ADAP1: variants seen among roughly 807,000 people sequenced by gnomAD.
ADAP1 encodes arf-GAP with dual PH domain-containing protein 1.
Under a neutral mutation model 54.9 loss-of-function variants are expected in ADAP1, and 31 were observed. The observed-to-expected ratio is 0.56, with a 90% CI of 0.42 to 0.76. The LOEUF is 0.76. ADAP1 is among the 30% of genes least tolerant of loss of function. The pLI is 0.00. For missense variants in ADAP1, 535 were observed against 512.4 expected, an observed-to-expected ratio of 1.04 and a Z score of -0.42; for synonymous variants, 313 against 202.6, an observed-to-expected ratio of 1.55 and a Z score of -4.63.
At chr7:905,704 G>C (rs1182939910) in intron 4 of ADAP1, 18 of 31,718 alleles carry the variant, frequency 5.7e-4, no homozygotes, top group African/African-American at 3.2e-3. Flanking sequence ...GGAGAAAGGA[G>C]AAAGGAGAAA....
At position 926,869 on chromosome 7, in the gene ADAP1, GGTCCC is replaced by G. The variant is rs1846408624; in HGVS notation, c.214-230_214-226del. The G allele has an allele frequency of 2.3e-6, 2 of 880,514 alleles. No individual in the cohort carries two copies. The highest frequency in any genetic ancestry group is 3.5e-5 in the African/African-American group (2 of 56,848). 54.5% of individuals were successfully genotyped at this position (880,514 alleles called of 1,614,324 possible). On this transcript the variant is annotated intron_variant, in intron 2 of 10. Coordinates refer to ENST00000265846, the MANE Select transcript of ADAP1 (RefSeq NM_006869.4). The surrounding 1 kb of genome is among the most constrained non-coding windows in gnomAD (Gnocchi z 4.6). ...AAGGAGCCAGCGTCCCTAACGACGGGGTCCCGGCAAAGGGGGCCCAGGGGCCAGGC... is the reference window on the plus strand; with the variant it reads ...AAGGAGCCAGCGTCCCTAACGACGGGGGCAAAGGGGGCCCAGGGGCCAGGC...
rs1164900472 is a variant in ADAP1, at chr7:926,409, G to A, written c.305+144C>T. ...GGCCAGCAGACACAGGCGGCACCTC[G>A]GGGTCTGGGGGACGCAGCTGCGGCT... On this transcript the variant is annotated intron_variant, in intron 3 of 10. Coordinates refer to ENST00000265846, the MANE Select transcript of ADAP1 (RefSeq NM_006869.4). This position sits in a 1 kb window ranked among gnomAD's most constrained non-coding sequence, Gnocchi z 4.6. 3.5e-5 allele frequency: 19 copies of A among 536,352 alleles called. No individual in the cohort carries two copies. The highest frequency in any genetic ancestry group is 6.0e-4 in the Middle Eastern group (1 of 1,672). 33.2% of individuals were successfully genotyped at this position (536,352 alleles called of 1,614,324 possible). A position where few individuals can be genotyped will look rare whatever the true frequency, so the allele number is the denominator to read the frequency against.
intron 2 of ADAP1, among the ~76,000 whole-genome samples, chr7:931,500 C>T (rs532712478): frequency 8.7e-5 from 13 of 149,384 alleles, no homozygotes; most frequent in South Asian, 2.1e-4. Context: ...CGTGCGATCC[C>T]GTTTTTAAAA....
chr7:937,253 C>T (rs71518359), intron 1 of ADAP1, among the ~76,000 whole-genome samples: 1 of 35,904 alleles, frequency 2.8e-5, no homozygotes, highest in East Asian at 7.9e-4. Context: ...TTGGGGGTCA[C>T]GCCCGACCTC....
chr7:898,856 C>T lies in ADAP1; in HGVS notation c.*65G>A, dbSNP rs1476653245. On this transcript the variant is annotated 3_prime_UTR_variant, in exon 11 of 11. Transcript: ENST00000265846. ...TGGCCTCAGGACGCCAGAGCCCCCC[C>T]ATCCACGGGTCCCCTCCGTCCAGCC... The T allele has an allele frequency of 3.9e-6, 6 of 1,552,560 alleles. No individual in the cohort carries two copies. Among genetic ancestry groups the T allele is most frequent in the Middle Eastern group, 1.7e-4 (1 of 6,022 alleles).
rs56715852 is a variant in ADAP1, at chr7:940,330, TCACACACACACACACACACACACA to T, written c.83-4849_83-4826del. 2.4e-4 allele frequency among the ~76,000 whole-genome samples: 34 copies of T among 140,732 alleles called. No individual in the cohort carries two copies. The East Asian group carries it at 3.2e-3, about 13-fold the overall frequency. The allele number at this position is 140,732 out of a possible 152,430, so 92.3% of individuals were successfully genotyped here. A position where few individuals can be genotyped will look rare whatever the true frequency, so the allele number is the denominator to read the frequency against. On this transcript the variant is annotated intron_variant, in intron 1 of 10. Coordinates refer to ENST00000265846, the MANE Select transcript of ADAP1 (RefSeq NM_006869.4). ...TCCAGCCTGGGTGTCACAGACCCTGTCACACACACACACACACACACACACACACACACACACACACACAATATG... is the reference window on the plus strand; with the variant it reads ...TCCAGCCTGGGTGTCACAGACCCTGTCACACACACACACACACACAATATG...
intron 4 of ADAP1, among the ~76,000 whole-genome samples, chr7:908,923 G>A (rs1291192179): frequency 7.2e-5 from 11 of 152,204 alleles, no homozygotes; most frequent in Admixed American, 7.2e-4. Flanking sequence ...CCCTGCCCAG[G>A]ACACAGCGGG....
intron 1 of ADAP1, among the ~76,000 whole-genome samples, chr7:942,361 A>G (rs911045979): frequency 7.2e-5 from 9 of 125,034 alleles, no homozygotes; most frequent in Non-Finnish European, 1.2e-4. Context: ...AGGAAGAGGA[A>G]GAGAGAGGAG....
At chr7:919,820 TGGGGGAGGGAGGGAGATG>T (rs1562925567) in intron 4 of ADAP1, 130 bp downstream of exon 4, 5 of 60,380 alleles carry the variant, frequency 8.3e-5, no homozygotes, top group Non-Finnish European at 1.4e-4. Flanking sequence ...GGGAGGGAGA[TGGGGGAGGGAGGGAGATG>T]GGGGGAGGGA....
chr7:949,555 G>C (rs1301320282), intron 1 of ADAP1, among the ~76,000 whole-genome samples: 1 of 152,264 alleles, frequency 6.6e-6, no homozygotes, highest in Non-Finnish European at 1.5e-5. Flanking sequence ...CTAGCTCACA[G>C]CATCTGTGCG....
Position 898,721 on chromosome 7 carries a change from G to C in ADAP1, c.*200C>G. On this transcript the variant is annotated 3_prime_UTR_variant, in exon 11 of 11. Transcript: ENST00000265846. ...GCAGCATGACGGGGTTAGAGATCAG[G>C]CCCAGGGCCTGGGCTGCCTGCCTTG... 1.5e-6 allele frequency: 1 copy of C among 672,068 alleles called. No individual in the cohort carries two copies. Among genetic ancestry groups the C allele is most frequent in the Non-Finnish European group, 2.5e-6 (1 of 392,680 alleles). The allele number at this position is 672,068 out of a possible 1,614,324, so 41.6% of individuals were successfully genotyped here.
At position 905,557 on chromosome 7, in the gene ADAP1, A is replaced by AGAAGGGAGAAGGGAGAAGGGAGAAG. The variant is rs1554271861; in HGVS notation, c.389-386_389-385insCTTCTCCCTTCTCCCTTCTCCCTTC. 38 of 23,302 alleles carry AGAAGGGAGAAGGGAGAAGGGAGAAG rather than the reference A, an allele frequency of 1.6e-3. 2 individuals are homozygous for AGAAGGGAGAAGGGAGAAGGGAGAAG. Among genetic ancestry groups the AGAAGGGAGAAGGGAGAAGGGAGAAG allele is most frequent in the South Asian group, 4.3e-3 (2 of 470 alleles). 1.4% of individuals were successfully genotyped at this position (23,302 alleles called of 1,614,324 possible). On this transcript the variant is annotated intron_variant, in intron 4 of 10. Coordinates refer to ENST00000265846, the MANE Select transcript of ADAP1 (RefSeq NM_006869.4). ...AGAAGGGAGAAGGGAGAAGGGAGAAAGGAGAAAGGAGAAAGGAGAAAGGAG... is the reference window on the plus strand; with the variant it reads ...AGAAGGGAGAAGGGAGAAGGGAGAAAGAAGGGAGAAGGGAGAAGGGAGAAGGGAGAAAGGAGAAAGGAGAAAGGAG...
chr7:905,603 GA>G (rs1236832117), intron 4 of ADAP1: 1 of 44,834 alleles, frequency 2.2e-5, no homozygotes. Context: ...GGAGAAAGGA[GA>G]AAGGAGAAAG....
chr7:939,702 G>A (rs1305534134), intron 1 of ADAP1, among the ~76,000 whole-genome samples: 1 of 151,834 alleles, frequency 6.6e-6, no homozygotes, highest in Non-Finnish European at 1.5e-5. Context: ...GTGGTGGCGG[G>A]TGCCTGTAAT....
chr7:929,535 A>AC, intron 2 of ADAP1, among the ~76,000 whole-genome samples: 1 of 151,296 alleles, frequency 6.6e-6, no homozygotes, highest in South Asian at 2.1e-4. Context: ...AAAAAAAAAA[A>AC]CAAGACCACG....
intron 4 of ADAP1, among the ~76,000 whole-genome samples, chr7:917,708 T>TC (rs1421096128): frequency 1.3e-5 from 2 of 152,194 alleles, no homozygotes; most frequent in Admixed American, 1.3e-4. Flanking sequence ...AAGTGATCCA[T>TC]CCGCCCGCCT....
At position 941,001 on chromosome 7, in the gene ADAP1, T is replaced by C. The variant is rs368857108; in HGVS notation, c.83-5496A>G. On this transcript the variant is annotated intron_variant, in intron 1 of 10. Transcript: ENST00000265846. ...GAGGATTCAACAGATGCAAAAAATG[T>C]TGGCAAAACGCAACATCCTGATAAA... Among the ~76,000 whole-genome samples, 12 of 147,202 alleles carry C rather than the reference T, an allele frequency of 8.2e-5. No homozygotes were observed. In the East Asian group the frequency reaches 1.6e-3, roughly 20 times the overall value.
intron 1 of ADAP1, 23 bp downstream of exon 1, chr7:954,373 G>T: frequency 2.0e-6 from 1 of 511,206 alleles, no homozygotes; most frequent in South Asian, 5.1e-5. Flanking sequence ...ACCCGGCCCC[G>T]CGCCCACCCG....
At chr7:900,911 G>A in intron 6 of ADAP1, 2 of 581,188 alleles carry the variant, frequency 3.4e-6, no homozygotes, top group South Asian at 1.5e-5. Flanking sequence ...GCTGGACAGG[G>A]TCGGGGGCTG....
Sources: allele counts gnomAD v4.1 joint callset (sites outside exome capture counted in the v4.1 genomes callset), GRCh38; gene constraint gnomAD v4.1.1; non-coding constraint Gnocchi (gnomAD v3.1); transcripts MANE v1.5; gene names NCBI Gene and HGNC (gene_info 2026-07-23, HGNC 2026-07-21).